Variants in SEBOX observed in about 807,000 individuals in gnomAD.
SEBOX encodes homeobox protein SEBOX.
SEBOX carries 10 observed loss-of-function variants against 7.8 expected under a neutral mutation model. That is an observed-to-expected ratio of 1.28 (90% CI 0.79 to 2.17). The LOEUF is 2.17. SEBOX is among the 30% of genes most tolerant of loss of function. The pLI is 0.00. For missense variants in SEBOX, 240 were observed against 239.5 expected (o/e 1.00, Z -0.01); for synonymous variants, 98 against 91.5 (o/e 1.07, Z -0.40).
rs782625390 is a variant in SEBOX at position 28,364,304 on chromosome 17, A to G, written c.537T>C (p.Tyr179=). 5 of 1,606,338 alleles carry G rather than the reference A, an allele frequency of 3.1e-6. No homozygotes were observed. Among genetic ancestry groups the G allele is most frequent in the Non-Finnish European group, 2.6e-6 (3 of 1,176,472 alleles). ...CCACATTGACGACAATGGCCAAGGC[A>G]TAGATGAGGTCAGACAGGCTGCCTA... ...TSLGSLSDLI[Y]ALAIVVNVDH... The change falls in exon 3 of 3, where the codon TAT becomes TAC. Residue 179 remains tyrosine, a synonymous_variant. Transcript: ENST00000536498.
rs1555582784 is a variant in SEBOX, at chr17:28,364,895, A to C, written c.92T>G (p.Leu31Arg). 1 of 1,613,802 alleles carries C rather than the reference A, an allele frequency of 6.2e-7. No individual in the cohort carries two copies. Among genetic ancestry groups the C allele is most frequent in the Admixed American group, 1.7e-5 (1 of 60,010 alleles). ...TGCAAACGCCCTCTCCAGCTCCAGT[A>C]GCTGCCCTTTGCTGAAGGTGGTCCG... is the stretch of plus-strand genomic sequence containing the variant. ...RKRTTFSKGQLLELERAFAAW... is the reference protein window; with the variant it reads ...RKRTTFSKGQRLELERAFAAW... The change falls in exon 2 of 3, where the codon CTA becomes CGA. Residue 31 changes from leucine to arginine, a missense_variant. By Grantham distance (102) the Leu-to-Arg change is moderately radical (BLOSUM62 -2). Coordinates refer to ENST00000536498, the MANE Select transcript of SEBOX (RefSeq NM_001080837.4).
chr17:28,365,017 G>C (rs2067897616), intron 1 of SEBOX, 62 bp from the exon 2 acceptor site: 3 of 1,581,482 alleles, frequency 1.9e-6, no homozygotes, highest in Admixed American at 3.6e-5. Context: ...CAGCCTCAAA[G>C]CCCTCAATCA....
rs1555582765 is a variant in SEBOX, at chr17:28,364,840, A to G, written c.147T>C (p.His49=). The G allele has an allele frequency of 6.8e-6, 11 of 1,613,884 alleles. No homozygotes were observed. Among genetic ancestry groups the G allele is most frequent in the South Asian group, 1.1e-5 (1 of 91,068 alleles). The change falls in exon 2 of 3, where the codon CAT becomes CAC. Residue 49 remains histidine, a synonymous_variant. Coordinates refer to ENST00000536498, the MANE Select transcript of SEBOX (RefSeq NM_001080837.4). ...GGCAAGTGACCCAGGCCAGGTGCTC[A>G]TGGGTGCTGATGTTGGGGTAGGGCC... is the stretch of plus-strand genomic sequence containing the variant. The part of the protein sequence containing the change: ...AAWPYPNIST[H]EHLAWVTCLP...
Position 28,364,952 on chromosome 17 carries a change from C to G in SEBOX, c.35G>C (p.Gly12Ala). Residue 12 changes from glycine (G) to alanine (A), a missense_variant, in exon 2 of 3, where the codon GGT (glycine) becomes GCT (alanine). Physicochemically the swap from Gly to Ala is moderately conservative, Grantham distance 60 (BLOSUM62 0). Transcript: ENST00000536498. ...PSPVDASSAD[G>A]GSGLGSHRRK... ...CCGGTGGGAACCCAACCCGCTGCCACCGTCTGCAGGCCATGGTGGGGGTCA... is the reference window on the plus strand; with the variant it reads ...CCGGTGGGAACCCAACCCGCTGCCAGCGTCTGCAGGCCATGGTGGGGGTCA... The G allele has an allele frequency of 6.2e-7, 1 of 1,609,622 alleles. No individual in the cohort carries two copies. Among genetic ancestry groups the G allele is most frequent in the Non-Finnish European group, 8.5e-7 (1 of 1,178,278 alleles).
At position 28,364,480 on chromosome 17, in the gene SEBOX, G is replaced by A. The variant is rs782063205; in HGVS notation, c.361C>T (p.Arg121Cys). 13 of 1,608,812 alleles carry A rather than the reference G, an allele frequency of 8.1e-6. No individual in the cohort carries two copies. Among genetic ancestry groups the A allele is most frequent in the Middle Eastern group, 3.3e-4 (2 of 6,020 alleles). Residue 121 changes from arginine to cysteine, a missense_variant, in exon 3 of 3, where the codon CGC becomes TGC. Arg to Cys is a radical substitution (Grantham distance 180). Coordinates refer to ENST00000536498, the MANE Select transcript of SEBOX (RefSeq NM_001080837.4). Reference sequence around the variant, plus strand: ...GAGCTATGTCGACACACTGAGGTGCGCTGAGGTGTGCCGCTGGAGGGTGGA... The same window carrying A: ...GAGCTATGTCGACACACTGAGGTGCACTGAGGTGTGCCGCTGGAGGGTGGA... The part of the protein sequence containing the change: ...QPPPSSGTPQ[R>C]TSVCRHSSCP...
At chr17:28,364,669 G>C in intron 2 of SEBOX, 21 bp from the exon 3 acceptor site, 1 of 1,553,726 alleles carries the variant, frequency 6.4e-7, no homozygotes. Flanking sequence ...AGAAGAAGGG[G>C]TCTGTTCTGG....
chr17:28,364,589 G>A lies in SEBOX; in HGVS notation c.252C>T (p.Ser84=), dbSNP rs376466400. The change falls in exon 3 of 3, where the codon AGC becomes AGT. Residue 84 remains serine, a synonymous_variant. Coordinates refer to ENST00000536498, the MANE Select transcript of SEBOX (RefSeq NM_001080837.4). ...IIKNRKSGIL[S]PGSECPQSSC... is the part of the protein sequence containing the mutation. ...AGCTCTGGGGGCACTCAGACCCAGG[G>A]CTTAGAATTCCTGACTTCCTGTTCT... 43 of 1,550,084 alleles carry A rather than the reference G, an allele frequency of 2.8e-5. No individual in the cohort carries two copies. The African/African-American group carries it at 5.4e-4, about 19-fold the overall frequency.
rs1442872579 is a variant in SEBOX at position 28,364,046 on chromosome 17, T to C, written c.*222A>G. On this transcript the variant is annotated 3_prime_UTR_variant, in exon 3 of 3. Coordinates refer to ENST00000536498, the MANE Select transcript of SEBOX (RefSeq NM_001080837.4). ...CATATGCCCCAAAGGGGTCAGGGTG[T>C]GGGGTGGCAGGAGCCAGGCCCCAGT... Among the ~76,000 whole-genome samples the C allele has an allele frequency of 6.6e-6, 1 of 152,130 alleles. No homozygotes were observed. Among genetic ancestry groups the C allele is most frequent in the African/African-American group, 2.4e-5 (1 of 41,434 alleles).
chr17:28,364,499 G>A lies in SEBOX; in HGVS notation c.342C>T (p.Pro114=), dbSNP rs2067891971. 6.2e-7 allele frequency: 1 copy of A among 1,607,970 alleles called. No individual in the cohort carries two copies. The highest frequency in any genetic ancestry group is 8.5e-7 in the Non-Finnish European group (1 of 1,175,570). The change falls in exon 3 of 3, where the codon CCC becomes CCT. Residue 114 remains proline (P), a synonymous_variant. Coordinates refer to ENST00000536498, the MANE Select transcript of SEBOX (RefSeq NM_001080837.4). ...WDPQMPGQPP[P]SSGTPQRTSV... ...AGGTGCGCTGAGGTGTGCCGCTGGA[G>A]GGTGGAGGTTGGCCTGGCATTTGGG...
chr17:28,364,160 T>A lies in SEBOX; in HGVS notation c.*108A>T. The A allele has an allele frequency of 9.1e-7, 1 of 1,094,988 alleles. No homozygotes were observed. The highest frequency in any genetic ancestry group is 1.3e-6 in the Non-Finnish European group (1 of 780,656). The allele number at this position is 1,094,988 out of a possible 1,614,324, so 67.8% of individuals were successfully genotyped here. ...ACTCCTTTCCCGTAGGGAATCCCTTTGCATAAAAAGTGGGGCCAGGGAATC... is the reference window on the plus strand; with the variant it reads ...ACTCCTTTCCCGTAGGGAATCCCTTAGCATAAAAAGTGGGGCCAGGGAATC... On this transcript the variant is annotated 3_prime_UTR_variant, in exon 3 of 3. Coordinates refer to ENST00000536498, the MANE Select transcript of SEBOX (RefSeq NM_001080837.4).
chr17:28,363,622 C>CA lies in SEBOX; in HGVS notation c.*645dup, dbSNP rs1183663651. 2.0e-5 allele frequency: 3 copies of CA among 152,266 alleles called. No homozygotes were observed. Among genetic ancestry groups the CA allele is most frequent in the Non-Finnish European group, 2.9e-5 (2 of 68,074 alleles). 9.4% of individuals were successfully genotyped at this position (152,266 alleles called of 1,614,324 possible). A position where few individuals can be genotyped will look rare whatever the true frequency, so the allele number is the denominator to read the frequency against. Reference sequence around the variant, plus strand: ...TCCCAGATCTGTCAGGTTGTCTCCACAGCCCCACATCAGAGGGCATCCAAT... The same window carrying CA: ...TCCCAGATCTGTCAGGTTGTCTCCACAAGCCCCACATCAGAGGGCATCCAAT... On this transcript the variant is annotated 3_prime_UTR_variant, in exon 3 of 3. Coordinates refer to ENST00000536498, the MANE Select transcript of SEBOX (RefSeq NM_001080837.4).
Position 28,364,876 on chromosome 17 carries a change from C to T in SEBOX, c.111G>A (p.Ala37=), listed in dbSNP as rs782429151. The T allele has an allele frequency of 7.4e-5, 120 of 1,613,742 alleles. No homozygotes were observed. The highest frequency in any genetic ancestry group is 5.8e-4 in the East Asian group (26 of 44,882). ...TGTTGGGGTAGGGCCATGCTGCAAA[C>T]GCCCTCTCCAGCTCCAGTAGCTGCC... is the stretch of plus-strand genomic sequence containing the variant. ...SKGQLLELER[A]FAAWPYPNIS... is the part of the protein sequence containing the mutation. Residue 37 remains alanine (A), a synonymous_variant, in exon 2 of 3, where the codon GCG becomes GCA. Coordinates refer to ENST00000536498, the MANE Select transcript of SEBOX (RefSeq NM_001080837.4).
At position 28,364,424 on chromosome 17, in the gene SEBOX, C is replaced by G; in HGVS notation, c.417G>C (p.Gln139His). 2 of 1,592,740 alleles carry G rather than the reference C, an allele frequency of 1.3e-6. No homozygotes were observed. The highest frequency in any genetic ancestry group is 1.7e-6 in the Non-Finnish European group (2 of 1,169,178). Reference sequence around the variant, plus strand: ...CTACAGCTTTAGCCCCTTCCCAGCCCTGCCGTGGACTCAAGCCAGGAGCTG... The same window carrying G: ...CTACAGCTTTAGCCCCTTCCCAGCCGTGCCGTGGACTCAAGCCAGGAGCTG... Reference protein sequence around the residue: ...SCPAPGLSPRQGWEGAKAVAP... With the variant: ...SCPAPGLSPRHGWEGAKAVAP... The change falls in exon 3 of 3, where the codon CAG (glutamine) becomes CAC (histidine). Residue 139 changes from glutamine to histidine, a missense_variant. Transcript: ENST00000536498.
In SEBOX at chr17:28,364,545, G is replaced by A. The variant is rs1555582696; in HGVS notation, c.296C>T (p.Thr99Ile). ...CPQSSCSLPD[T>I]LQQPWDPQMP... The stretch of plus-strand genomic sequence containing the variant: ...TTGGGGATCCCAGGGCTGCTGGAGG[G>A]TGTCTGGAAGAGAACAGGAGCTCTG... The change falls in exon 3 of 3, where the codon ACC (threonine) becomes ATC (isoleucine). Residue 99 changes from threonine (T) to isoleucine (I), a missense_variant. Transcript: ENST00000536498. The A allele has an allele frequency of 1.3e-6, 2 of 1,593,546 alleles. No individual in the cohort carries two copies. Among genetic ancestry groups the A allele is most frequent in the Non-Finnish European group, 8.6e-7 (1 of 1,167,984 alleles).
rs1555582656 is a variant in SEBOX at position 28,364,369 on chromosome 17, C to T, written c.472G>A (p.Val158Ile). Reference sequence around the variant, plus strand: ...GTAGCTCGCTCTAAAGAAGGGTGGACCTCTGAAGCCCCAGCTGATCCCCAT... The same window carrying T: ...GTAGCTCGCTCTAAAGAAGGGTGGATCTCTGAAGCCCCAGCTGATCCCCAT... Reference protein sequence around the residue: ...APWGSAGASEVHPSLERATPQ... With the variant: ...APWGSAGASEIHPSLERATPQ... Residue 158 changes from valine (V) to isoleucine (I), a missense_variant, in exon 3 of 3, where the codon GTC becomes ATC. Physicochemically the swap from Val to Ile is conservative, Grantham distance 29. Coordinates refer to ENST00000536498, the MANE Select transcript of SEBOX (RefSeq NM_001080837.4). The T allele has an allele frequency of 6.3e-7, 1 of 1,593,336 alleles. No homozygotes were observed. Among genetic ancestry groups the T allele is most frequent in the South Asian group, 1.1e-5 (1 of 88,524 alleles).
Position 28,364,295 on chromosome 17 carries a change from G to A in SEBOX, c.546C>T (p.Ala182=), listed in dbSNP as rs1455718780. 2 of 1,607,840 alleles carry A rather than the reference G, an allele frequency of 1.2e-6. No homozygotes were observed. The highest frequency in any genetic ancestry group is 1.1e-5 in the South Asian group (1 of 89,710). The change falls in exon 3 of 3, where the codon GCC becomes GCT. Residue 182 remains alanine, a synonymous_variant. Coordinates refer to ENST00000536498, the MANE Select transcript of SEBOX (RefSeq NM_001080837.4). ...GSLSDLIYAL[A]IVVNVDHS is the part of the protein sequence containing the mutation. Reference sequence around the variant, plus strand: ...AGGAGTGGTCCACATTGACGACAATGGCCAAGGCATAGATGAGGTCAGACA... The same window carrying A: ...AGGAGTGGTCCACATTGACGACAATAGCCAAGGCATAGATGAGGTCAGACA...
chr17:28,363,678 G>A lies in SEBOX; in HGVS notation c.*590C>T, dbSNP rs1324774541. 3 of 152,156 alleles carry A rather than the reference G, an allele frequency of 2.0e-5. No homozygotes were observed. Among genetic ancestry groups the A allele is most frequent in the Admixed American group, 1.3e-4 (2 of 15,268 alleles). 9.4% of individuals were successfully genotyped at this position (152,156 alleles called of 1,614,324 possible). Reference sequence around the variant, plus strand: ...CTTTGTGAAAATTAAATCAACATAAGCCCCAGCTTCCTATCTTTGCTTCAT... The same window carrying A: ...CTTTGTGAAAATTAAATCAACATAAACCCCAGCTTCCTATCTTTGCTTCAT... On this transcript the variant is annotated 3_prime_UTR_variant, in exon 3 of 3. Transcript: ENST00000536498.
At chr17:28,365,031 C>A in intron 1 of SEBOX, 76 bp from the exon 2 acceptor site, 1 of 1,576,054 alleles carries the variant, frequency 6.3e-7, no homozygotes, top group East Asian at 2.3e-5. Context: ...TCAATCAACC[C>A]CGAAGTCCCT....
chr17:28,364,557 G>T lies in SEBOX; in HGVS notation c.284C>A (p.Ser95Tyr), dbSNP rs782546028. The T allele has an allele frequency of 6.3e-7, 1 of 1,582,876 alleles. No individual in the cohort carries two copies. The stretch of plus-strand genomic sequence containing the variant: ...GGGCTGCTGGAGGGTGTCTGGAAGA[G>T]AACAGGAGCTCTGGGGGCACTCAGA... ...PGSECPQSSC[S>Y]LPDTLQQPWD... is the part of the protein sequence containing the mutation. The change falls in exon 3 of 3, where the codon TCT (serine) becomes TAT (tyrosine). Residue 95 changes from serine to tyrosine, a missense_variant. Ser to Tyr is a moderately radical substitution (Grantham distance 144, BLOSUM62 -2). Transcript: ENST00000536498.
Sources: allele counts gnomAD v4.1 joint callset (sites outside exome capture counted in the v4.1 genomes callset), GRCh38; gene constraint gnomAD v4.1.1; transcripts MANE v1.5; gene names NCBI Gene and HGNC (gene_info 2026-07-23, HGNC 2026-07-21).